The following PGAP4 variants were observed in gnomAD, a reference collection of about 807,000 sequenced individuals.
The protein encoded by PGAP4 is GPI-N-acetylgalactosamine transferase PGAP4.
Under a neutral mutation model 28.2 loss-of-function variants are expected in PGAP4, and 12 were observed. That is an observed-to-expected ratio of 0.42 (90% CI 0.27 to 0.69). PGAP4 has a LOEUF of 0.69. Ranked by LOEUF, PGAP4 falls within the 30% of genes least tolerant of loss-of-function variation. PGAP4 has a pLI of 0.22. For missense variants in PGAP4, 425 were observed against 513.5 expected, an observed-to-expected ratio of 0.83 and a Z score of 1.67; for synonymous variants, 205 against 211.8, an observed-to-expected ratio of 0.97 and a Z score of 0.28.
chr9:101,486,745 C>T lies in PGAP4; in HGVS notation c.-78+204G>A, dbSNP rs559780407. On this transcript the variant is annotated intron_variant, in intron 1 of 1. Transcript: ENST00000374848. This position sits in a 1 kb window ranked among gnomAD's most constrained non-coding sequence, Gnocchi z 4.7. ...ATCCTCCGGCAGGAAGCGGTCGGAG[C>T]TGCGGGCAGGGCCGCTAGGCAACCC... Among the ~76,000 whole-genome samples the T allele has an allele frequency of 1.8e-4, 28 of 152,294 alleles. No homozygotes were observed. In the South Asian group the frequency reaches 5.8e-3, roughly 32 times the overall value.
Position 101,475,746 on chromosome 9 carries a change from C to T in PGAP4, c.*135G>A. The T allele has an allele frequency of 1.0e-6, 1 of 975,890 alleles. No homozygotes were observed. The allele number at this position is 975,890 out of a possible 1,614,324, so 60.5% of individuals were successfully genotyped here. ...CCAAGGCTCTTAACATATTGAGGTTCCTCAGCTGCCCCAGTGCCTATATCT... is the reference window on the plus strand; with the variant it reads ...CCAAGGCTCTTAACATATTGAGGTTTCTCAGCTGCCCCAGTGCCTATATCT... On this transcript the variant is annotated 3_prime_UTR_variant, in exon 2 of 2. Transcript: ENST00000374848.
intron 2 of PGAP4, among the ~76,000 whole-genome samples, chr9:101,492,734 C>G (rs1057299775): frequency 6.6e-6 from 1 of 151,964 alleles, no homozygotes; most frequent in Non-Finnish European, 1.5e-5. Flanking sequence ...TAGACTGTCC[C>G]CCTAAGTATC....
rs117199338 is a variant in PGAP4 at position 101,478,459 on chromosome 9, C to T, written c.-77-1290G>A. Among the ~76,000 whole-genome samples, 11 of 152,316 alleles carry T rather than the reference C, an allele frequency of 7.2e-5. No homozygotes were observed. In the East Asian group the frequency reaches 1.5e-3, roughly 21 times the overall value. Reference sequence around the variant, plus strand: ...TGAGTTATTGCAAAGGGAGGATTGCCCAGGAACCATACGAGGCTGCTGTGG... The same window carrying T: ...TGAGTTATTGCAAAGGGAGGATTGCTCAGGAACCATACGAGGCTGCTGTGG... On this transcript the variant is annotated intron_variant, in intron 1 of 1. Coordinates refer to ENST00000374848, the MANE Select transcript of PGAP4 (RefSeq NM_032342.3).
intron 2 of PGAP4, among the ~76,000 whole-genome samples, chr9:101,515,059 T>C (rs1476522113): frequency 6.6e-6 from 1 of 152,200 alleles, no homozygotes; most frequent in Non-Finnish European, 1.5e-5. Context: ...CTACTGCTGT[T>C]GTAACAAATC....
At chr9:101,485,849 CTAA>C (rs1826601136) in intron 1 of PGAP4, among the ~76,000 whole-genome samples, 1 of 152,076 alleles carries the variant, frequency 6.6e-6, no homozygotes, top group South Asian at 2.1e-4. Context: ...TCTAATAATT[CTAA>C]TAATGTTGAT....
chr9:101,487,849 T>G (rs1396976244), upstream of PGAP4, among the ~76,000 whole-genome samples: 1 of 152,234 alleles, frequency 6.6e-6, no homozygotes, highest in East Asian at 1.9e-4. Context: ...AACAAAGTTT[T>G]ACTGCAACAT....
At chr9:101,515,021 A>G (rs1826931559) in intron 2 of PGAP4, among the ~76,000 whole-genome samples, 1 of 152,198 alleles carries the variant, frequency 6.6e-6, no homozygotes, top group Admixed American at 6.6e-5. Context: ...CTTTCCAGTC[A>G]ATCTTTGTTG....
intron 2 of PGAP4, among the ~76,000 whole-genome samples, chr9:101,529,097 G>A (rs990717500): frequency 6.6e-6 from 1 of 150,582 alleles, no homozygotes; most frequent in African/African-American, 2.4e-5. Flanking sequence ...CTGCATCCAT[G>A]TCCCTGCAAA....
chr9:101,487,446 A>G (rs1281655013), upstream of PGAP4, among the ~76,000 whole-genome samples: 1 of 152,238 alleles, frequency 6.6e-6, no homozygotes, highest in Admixed American at 6.5e-5. Context: ...CAAACCCTCA[A>G]TTTAAACACA....
chr9:101,505,683 T>A (rs1241289041), intron 2 of PGAP4, among the ~76,000 whole-genome samples: 6 of 152,192 alleles, frequency 3.9e-5, no homozygotes, highest in Middle Eastern at 6.8e-3. Context: ...GTTAAAGAAT[T>A]TTCCAAACCT....
Position 101,476,466 on chromosome 9 carries a change from C to T in PGAP4, c.627G>A (p.Met209Ile), listed in dbSNP as rs866669560. Residue 209 changes from methionine to isoleucine, a missense_variant, in exon 2 of 2, where the codon ATG (methionine) becomes ATA (isoleucine). Physicochemically the swap from Met to Ile is conservative, Grantham distance 10 (BLOSUM62 1). Coordinates refer to ENST00000374848, the MANE Select transcript of PGAP4 (RefSeq NM_032342.3). This position sits in a 1 kb window ranked among gnomAD's most constrained non-coding sequence, Gnocchi z 7.0. ...LQTYNPDYVL[M>I]VEDDAVPEEQ... is the part of the protein sequence containing the mutation. ...CTTCTGGTACAGCATCGTCTTCTAC[C>T]ATCAGGACGTAGTCTGGGTTGTAGG... The T allele has an allele frequency of 3.1e-6, 5 of 1,614,026 alleles. No homozygotes were observed. The highest frequency in any genetic ancestry group is 2.7e-5 in the African/African-American group (2 of 74,906).
chr9:101,526,489 G>A (rs1048018633), intron 2 of PGAP4, among the ~76,000 whole-genome samples: 2 of 151,974 alleles, frequency 1.3e-5, no homozygotes, highest in South Asian at 2.1e-4. Context: ...TGACTCTCTC[G>A]CCCAGGCTGG....
chr9:101,529,826 T>G (rs1827071472), intron 2 of PGAP4, among the ~76,000 whole-genome samples: 2 of 152,218 alleles, frequency 1.3e-5, no homozygotes, highest in South Asian at 4.1e-4. Context: ...CCTAGAGCAG[T>G]GTTCCTTAAA....
chr9:101,501,361 G>A (rs930253417), intron 2 of PGAP4, among the ~76,000 whole-genome samples: 2 of 152,042 alleles, frequency 1.3e-5, no homozygotes, highest in Non-Finnish European at 2.9e-5. Context: ...GAACAACATG[G>A]TACCACGGAA....
At chr9:101,530,907 T>A (rs1313677892) in intron 2 of PGAP4, among the ~76,000 whole-genome samples, 1 of 152,160 alleles carries the variant, frequency 6.6e-6, no homozygotes, top group Non-Finnish European at 1.5e-5. Context: ...GTTTGTTTGT[T>A]TGTTTTTTTG....
At chr9:101,481,967 C>T (rs1007211488) in intron 1 of PGAP4, among the ~76,000 whole-genome samples, 1 of 152,176 alleles carries the variant, frequency 6.6e-6, no homozygotes, top group Non-Finnish European at 1.5e-5. Context: ...TCTAGTTCCT[C>T]CTCAGCACCT....
chr9:101,477,482 G>C (rs532447523), intron 1 of PGAP4, among the ~76,000 whole-genome samples: 1 of 152,006 alleles, frequency 6.6e-6, no homozygotes, highest in Non-Finnish European at 1.5e-5. Context: ...GTAGGCTGTT[G>C]GGATCATTAT....
intron 2 of PGAP4, among the ~76,000 whole-genome samples, chr9:101,527,685 A>T (rs564861466): frequency 2.0e-5 from 3 of 152,250 alleles, no homozygotes; most frequent in Non-Finnish European, 4.4e-5. Context: ...ATGTATAAAT[A>T]TAAACTTGGT....
chr9:101,513,886 C>T (rs1050691470), intron 2 of PGAP4, among the ~76,000 whole-genome samples: 2 of 152,130 alleles, frequency 1.3e-5, no homozygotes, highest in Non-Finnish European at 1.5e-5. Context: ...GCCCTGAGCA[C>T]CTGGGAGGCC....
Sources: allele counts gnomAD v4.1 joint callset (sites outside exome capture counted in the v4.1 genomes callset), GRCh38; gene constraint gnomAD v4.1.1; non-coding constraint Gnocchi (gnomAD v3.1); transcripts MANE v1.5; gene names NCBI Gene and HGNC (gene_info 2026-07-23, HGNC 2026-07-21).